The following PTK6 variants were observed in gnomAD, a reference collection of about 807,000 sequenced individuals.
PTK6 encodes the protein protein-tyrosine kinase 6.
Under a neutral mutation model 47.5 loss-of-function variants are expected in PTK6, and 47 were observed. The ratio of observed to expected loss-of-function variants is 0.99; its 90% confidence interval spans 0.78 to 1.26. PTK6 has a LOEUF of 1.26. PTK6 is among the 50% of genes most tolerant of loss of function. The probability of loss-of-function intolerance (pLI) is 0.00; values close to 1 mark genes in which losing one functional copy is unlikely to be tolerated. For synonymous variants in PTK6, 287 were observed against 276.5 expected (o/e 1.04, Z -0.38); for missense variants, 618 against 625.3 (o/e 0.99, Z 0.12).
intron 4 of PTK6, 144 bp from the exon 5 acceptor site, chr20:63,532,831 C>T: frequency 5.1e-6 from 6 of 1,187,374 alleles, no homozygotes; most frequent in South Asian, 1.6e-5. Flanking sequence ...CGACAGGGCA[C>T]CTGGCTCCCG....
At chr20:63,532,981 C>T (rs556440808) in intron 4 of PTK6, among the ~76,000 whole-genome samples, 29 of 152,328 alleles carry the variant, frequency 1.9e-4, no homozygotes, top group East Asian at 1.9e-4. Flanking sequence ...GGGGCCCAGA[C>T]GGGTTCCAGG....
chr20:63,533,698 G>C lies in PTK6; in HGVS notation c.523C>G (p.Pro175Ala). The change falls in exon 4 of 8, where the codon CCT becomes GCT. Residue 175 changes from proline (P) to alanine (A), a missense_variant. Physicochemically the swap from Pro to Ala is conservative, Grantham distance 27 (BLOSUM62 -1). Coordinates refer to ENST00000542869, the MANE Select transcript of PTK6 (RefSeq NM_005975.4). This position sits in a 1 kb window ranked among gnomAD's most constrained non-coding sequence, Gnocchi z 4.0. ...TCATCCCAATGGGGCAGGGGCTCAG[G>C]CTCGTGCTGGAGGAAGAGTCGGGGA... ...RLAAPCRKHEPEPLPHWDDWE... is the reference protein window; with the variant it reads ...RLAAPCRKHEAEPLPHWDDWE... 6.2e-7 allele frequency: 1 copy of C among 1,611,768 alleles called. No individual in the cohort carries two copies. Among genetic ancestry groups the C allele is most frequent in the East Asian group, 2.2e-5 (1 of 44,778 alleles).
chr20:63,528,981 G>C lies in PTK6; in HGVS notation c.*555C>G, dbSNP rs756129797. ...GACGGTGAAACTGAGCTGGCGCCTC[G>C]GGCAGTGATGCTTGGGCTGGCAGAG... On this transcript the variant is annotated 3_prime_UTR_variant, in exon 8 of 8. Coordinates refer to ENST00000542869, the MANE Select transcript of PTK6 (RefSeq NM_005975.4). 2 of 152,226 alleles carry C rather than the reference G, an allele frequency of 1.3e-5. No homozygotes were observed. Among genetic ancestry groups the C allele is most frequent in the East Asian group, 1.9e-4 (1 of 5,194 alleles). The allele number at this position is 152,226 out of a possible 1,614,324, so 9.4% of individuals were successfully genotyped here.
chr20:63,532,816 G>T, intron 4 of PTK6, 129 bp from the exon 5 acceptor site: 1 of 1,266,500 alleles, frequency 7.9e-7, no homozygotes, highest in South Asian at 1.6e-5. Context: ...CAGACCTCCT[G>T]CCCCCGACAG....
Position 63,537,306 on chromosome 20 carries a change from G to A in PTK6, c.9C>T (p.Ser3=). 6.2e-7 allele frequency: 1 copy of A among 1,609,956 alleles called. No individual in the cohort carries two copies. Among genetic ancestry groups the A allele is most frequent in the East Asian group, 2.2e-5 (1 of 44,810 alleles). Reference sequence around the variant, plus strand: ...TGGGGCCCAGGTGAGCCTGGTCCCGGGACACCATGGCGGGCGGGCGCAGCG... The same window carrying A: ...TGGGGCCCAGGTGAGCCTGGTCCCGAGACACCATGGCGGGCGGGCGCAGCG... MV[S]RDQAHLGPKY... is the part of the protein sequence containing the mutation. Residue 3 remains serine (S), a synonymous_variant, in exon 1 of 8, where the codon TCC becomes TCT. Transcript: ENST00000542869.
chr20:63,530,136 G>A lies in PTK6; in HGVS notation c.1110C>T (p.Val370=). 3.7e-6 allele frequency: 6 copies of A among 1,614,132 alleles called. No individual in the cohort carries two copies. Among genetic ancestry groups the A allele is most frequent in the Non-Finnish European group, 5.1e-6 (6 of 1,180,026 alleles). ...CATGCAGGAGAATCCCAAAGGACCA[G>A]ACGTCGGATTTGGTGGAGTAATGGC... ...SRGHYSTKSD[V]WSFGILLHEM... Residue 370 remains valine (V), a synonymous_variant, in exon 7 of 8, where the codon GTC becomes GTT. Coordinates refer to ENST00000542869, the MANE Select transcript of PTK6 (RefSeq NM_005975.4). The surrounding 1 kb of genome is among the most constrained non-coding windows in gnomAD (Gnocchi z 4.1).
Position 63,533,884 on chromosome 20 carries a change from G to C in PTK6, c.517-180C>G, listed in dbSNP as rs2082644139. On this transcript the variant is annotated intron_variant, in intron 3 of 7. Transcript: ENST00000542869. The surrounding 1 kb of genome is among the most constrained non-coding windows in gnomAD (Gnocchi z 4.0). ...CTGGGGGCTGCCCCCAGCCCAGCAT[G>C]AAACACCCAGACAGACCGGAGCCAG... 6.6e-6 allele frequency among the ~76,000 whole-genome samples: 1 copy of C among 152,122 alleles called. No homozygotes were observed.
In PTK6 at chr20:63,531,399, C is replaced by A. The variant is rs1345212430; in HGVS notation, c.833-472G>T. ...TCACGCCACTGCACTCCAGCCTGGG[C>A]GACAGAGCCAGACTCCGTCTCAAAA... On this transcript the variant is annotated intron_variant, in intron 5 of 7. Transcript: ENST00000542869. Among the ~76,000 whole-genome samples, 4 of 122,460 alleles carry A rather than the reference C, an allele frequency of 3.3e-5. No individual in the cohort carries two copies. In the Admixed American group the frequency reaches 4.1e-4, roughly 13 times the overall value. 80.3% of individuals were successfully genotyped at this position (122,460 alleles called of 152,430 possible).
intron 2 of PTK6, among the ~76,000 whole-genome samples, 162 bp from the exon 3 acceptor site, chr20:63,534,477 C>G (rs2082649111): frequency 2.0e-5 from 3 of 152,238 alleles, no homozygotes; most frequent in Admixed American, 2.0e-4. Context: ...ACGGCTCCCT[C>G]CTGCCCTGCA....
intron 1 of PTK6, 61 bp downstream of exon 1, chr20:63,537,024 T>C: frequency 6.6e-7 from 1 of 1,507,280 alleles, no homozygotes; most frequent in South Asian, 1.2e-5. Context: ...CAGAGCCCTG[T>C]CCCTCCCCTG....
At position 63,529,317 on chromosome 20, in the gene PTK6, G is replaced by A; in HGVS notation, c.*219C>T. 2.0e-6 allele frequency: 1 copy of A among 499,380 alleles called. No homozygotes were observed. The highest frequency in any genetic ancestry group is 3.5e-6 in the Non-Finnish European group (1 of 289,854). 30.9% of individuals were successfully genotyped at this position (499,380 alleles called of 1,614,324 possible). On this transcript the variant is annotated 3_prime_UTR_variant, in exon 8 of 8. Transcript: ENST00000542869. The surrounding 1 kb of genome is among the most constrained non-coding windows in gnomAD (Gnocchi z 5.6). ...CCGGATCTCATCTGCAGGCTCCAGA[G>A]CAGGCTGCGTGTCAGCAGCTGAGAC...
At position 63,530,826 on chromosome 20, in the gene PTK6, C is replaced by T. The variant is rs757484266; in HGVS notation, c.934G>A (p.Asp312Asn). Residue 312 changes from aspartate to asparagine, a missense_variant, in exon 6 of 8, where the codon GAC (aspartate) becomes AAC (asparagine). Physicochemically the swap from Asp to Asn is conservative, Grantham distance 23. Transcript: ENST00000542869. The surrounding 1 kb of genome is among the most constrained non-coding windows in gnomAD (Gnocchi z 4.1). ...YLESQNYIHR[D>N]LAARNILVGE... ...ACGAGGATGTTCCTGGCGGCCAGGTCCCGGTGGATGTAATTCTGCGACTCC... is the reference window on the plus strand; with the variant it reads ...ACGAGGATGTTCCTGGCGGCCAGGTTCCGGTGGATGTAATTCTGCGACTCC... 3.7e-6 allele frequency: 6 copies of T among 1,614,122 alleles called. No homozygotes were observed. Among genetic ancestry groups the T allele is most frequent in the Non-Finnish European group, 5.1e-6 (6 of 1,180,008 alleles).
At chr20:63,535,633 C>T (rs895802738) in intron 1 of PTK6, among the ~76,000 whole-genome samples, 12 of 151,890 alleles carry the variant, frequency 7.9e-5, no homozygotes, top group African/African-American at 1.5e-4. Context: ...TGTCTGACTC[C>T]CTCAGGTCAC....
intron 5 of PTK6, among the ~76,000 whole-genome samples, chr20:63,531,294 G>C (rs1193761270): frequency 2.7e-5 from 4 of 150,896 alleles, no homozygotes; most frequent in Admixed American, 2.0e-4. Context: ...GGTGGCGGGC[G>C]CCTGTAGTCC....
At position 63,530,818 on chromosome 20, in the gene PTK6, G is replaced by A. The variant is rs373406235; in HGVS notation, c.942C>T (p.Ala314=). Residue 314 remains alanine, a synonymous_variant, in exon 6 of 8, where the codon GCC becomes GCT. Coordinates refer to ENST00000542869, the MANE Select transcript of PTK6 (RefSeq NM_005975.4). This position sits in a 1 kb window ranked among gnomAD's most constrained non-coding sequence, Gnocchi z 4.1. ...TTTCCCCGACGAGGATGTTCCTGGC[G>A]GCCAGGTCCCGGTGGATGTAATTCT... ...ESQNYIHRDL[A]ARNILVGENT... 28 of 1,613,996 alleles carry A rather than the reference G, an allele frequency of 1.7e-5. No homozygotes were observed. The highest frequency in any genetic ancestry group is 1.6e-4 in the Middle Eastern group (1 of 6,084).
chr20:63,534,830 C>G (rs1162202653), intron 2 of PTK6, 108 bp downstream of exon 2: 1 of 1,413,538 alleles, frequency 7.1e-7, no homozygotes, highest in Admixed American at 2.5e-5. Flanking sequence ...GGAGAGGAGC[C>G]CATGTCCCCC....
At chr20:63,535,107 T>C (rs868643073) in intron 1 of PTK6, 48 bp from the exon 2 acceptor site, 1 of 1,544,474 alleles carries the variant, frequency 6.5e-7, no homozygotes. Flanking sequence ...CCACCCCACG[T>C]GGACCCCACG....
rs2082614029 is a variant in PTK6 at position 63,530,956 on chromosome 20, G to A, written c.833-29C>T. On this transcript the variant is annotated intron_variant, in intron 5 of 7. Transcript: ENST00000542869. The surrounding 1 kb of genome is among the most constrained non-coding windows in gnomAD (Gnocchi z 4.1). ...CAGAGGGGAGTGGAGCAGAGCCTGG[G>A]GTCAGCTGAGCCAGCTGAGGTGGGG... is the stretch of plus-strand genomic sequence containing the variant. 1.9e-6 allele frequency: 3 copies of A among 1,553,162 alleles called. No homozygotes were observed. Among genetic ancestry groups the A allele is most frequent in the South Asian group, 2.4e-5 (2 of 82,592 alleles).
In PTK6 at chr20:63,530,972, T is replaced by A; in HGVS notation, c.833-45A>T. ...AGAGCCTGGGGTCAGCTGAGCCAGC[T>A]GAGGTGGGGAAGGGTTGGGGAGGCT... On this transcript the variant is annotated intron_variant, in intron 5 of 7. Transcript: ENST00000542869. This position sits in a 1 kb window ranked among gnomAD's most constrained non-coding sequence, Gnocchi z 4.1. 1 of 1,514,732 alleles carries A rather than the reference T, an allele frequency of 6.6e-7. No homozygotes were observed. The highest frequency in any genetic ancestry group is 8.9e-7 in the Non-Finnish European group (1 of 1,127,828). The allele number at this position is 1,514,732 out of a possible 1,614,324, so 93.8% of individuals were successfully genotyped here.
Sources: allele counts gnomAD v4.1 joint callset (sites outside exome capture counted in the v4.1 genomes callset), GRCh38; gene constraint gnomAD v4.1.1; non-coding constraint Gnocchi (gnomAD v3.1); transcripts MANE v1.5; gene names NCBI Gene and HGNC (gene_info 2026-07-23, HGNC 2026-07-21).